The following GPHN variants were observed in gnomAD, a reference collection of about 807,000 sequenced individuals.
GPHN encodes the protein gephyrin.
In GPHN, 17 loss-of-function variants were observed where a neutral mutation model predicts 95.5. That is an observed-to-expected ratio of 0.18 (90% CI 0.12 to 0.27). The LOEUF is 0.27. Among genes scored for constraint, GPHN ranks in the 10% least tolerant of loss-of-function variants. The pLI, the probability that GPHN is intolerant of heterozygous loss-of-function variation, is 1.00. For missense variants in GPHN, 660 were observed against 978.1 expected, an observed-to-expected ratio of 0.67 and a Z score of 4.34; for synonymous variants, 320 against 322.5, an observed-to-expected ratio of 0.99 and a Z score of 0.08.
At chr14:67,582,022 G>A in the GPHN span, 8 of 1,575,444 alleles carry the variant, frequency 5.1e-6, no homozygotes, top group African/African-American at 1.1e-4. The surrounding 1 kb of genome is among the most constrained non-coding windows in gnomAD (Gnocchi z 5.0). Flanking sequence ...CCCCATCCCT[G>A]TTTGGAATCC....
At chr14:67,360,499 T>A in the GPHN span, 1 of 325,982 alleles carries the variant, frequency 3.1e-6, no homozygotes, top group Admixed American at 4.9e-5. Flanking sequence ...CTCACTTTGG[T>A]TTGTGTCCAG....
chr14:66,701,225 T>G (rs2153414906), intron 2 of GPHN, among the ~76,000 whole-genome samples: 1 of 151,790 alleles, frequency 6.6e-6, no homozygotes. Context: ...AAAATACATC[T>G]TACAAAAATG....
chr14:66,815,592 C>A (rs1049410613), intron 3 of GPHN, among the ~76,000 whole-genome samples: 1 of 152,104 alleles, frequency 6.6e-6, no homozygotes, highest in Admixed American at 6.5e-5. Flanking sequence ...AAACAAGATC[C>A]TTTTCAGACG....
At chr14:66,610,317 C>T (rs2062725924) in intron 1 of GPHN, among the ~76,000 whole-genome samples, 1 of 152,086 alleles carries the variant, frequency 6.6e-6, no homozygotes, top group African/African-American at 2.4e-5. Context: ...AAGTTTAGAG[C>T]ACCGCTGTCT....
At chr14:67,094,191 C>G (rs66502330) in intron 12 of GPHN, among the ~76,000 whole-genome samples, 1 of 151,908 alleles carries the variant, frequency 6.6e-6, no homozygotes, top group Admixed American at 6.6e-5. Context: ...TGAAGATCAT[C>G]GTTTTCTGTG....
intron 5 of GPHN, among the ~76,000 whole-genome samples, chr14:66,890,116 A>G (rs2064397272): frequency 6.6e-6 from 1 of 152,202 alleles, no homozygotes; most frequent in African/African-American, 2.4e-5. Flanking sequence ...TGACTCAGAA[A>G]TTAACAACCT....
At chr14:67,724,711 A>G in the GPHN span, 2 of 807,334 alleles carry the variant, frequency 2.5e-6, no homozygotes, top group East Asian at 2.6e-5. Context: ...TAGAAATTCA[A>G]GGAACCTGGG....
chr14:66,881,931 A>G (rs2063948267), intron 5 of GPHN, among the ~76,000 whole-genome samples: 1 of 151,834 alleles, frequency 6.6e-6, no homozygotes, highest in Non-Finnish European at 1.5e-5. Flanking sequence ...ATATTTATAA[A>G]CTTTGGAACA....
At chr14:66,803,978 T>C (rs943987301) in intron 3 of GPHN, among the ~76,000 whole-genome samples, 2 of 151,922 alleles carry the variant, frequency 1.3e-5, no homozygotes, top group Non-Finnish European at 2.9e-5. Context: ...TTCTTGGCTG[T>C]AAACTTTCAA....
intron 4 of GPHN, among the ~76,000 whole-genome samples, chr14:66,857,595 C>T (rs765383833): frequency 3.1e-4 from 47 of 152,084 alleles, no homozygotes; most frequent in Non-Finnish European, 4.1e-4. Flanking sequence ...GGGAGTAAAG[C>T]AAGTTGGCCA....
chr14:67,198,852 C>A, the GPHN span: 1 of 613,284 alleles, frequency 1.6e-6, no homozygotes, highest in South Asian at 1.6e-5. Context: ...AATATTCAGA[C>A]AAAGAAATGG....
chr14:67,390,309 T>A, the GPHN span, among the ~76,000 whole-genome samples: 21 of 152,328 alleles, frequency 1.4e-4, no homozygotes, highest in East Asian at 4.1e-3. Flanking sequence ...GAATGGAAAG[T>A]GTGGAGAGGC....
At chr14:67,354,966 A>G in the GPHN span, among the ~76,000 whole-genome samples, 7 of 152,172 alleles carry the variant, frequency 4.6e-5, no homozygotes, top group South Asian at 1.4e-3. Flanking sequence ...GGCATGCGTC[A>G]CCATGCCTGG....
the GPHN span, among the ~76,000 whole-genome samples, chr14:67,426,541 C>A: frequency 1.3e-5 from 2 of 152,074 alleles, no homozygotes; most frequent in Non-Finnish European, 2.9e-5. Flanking sequence ...CTGCCGGGTT[C>A]GGGGGACAGT....
chr14:67,193,779 C>CAAA, the GPHN span, among the ~76,000 whole-genome samples: 39 of 88,844 alleles, frequency 4.4e-4, no homozygotes, highest in Non-Finnish European at 8.4e-4. Flanking sequence ...CCAATTTCTA[C>CAAA]AAAAAAAAAA....
At chr14:66,509,711 G>T (rs1300959827) in intron 1 of GPHN, among the ~76,000 whole-genome samples, 2 of 152,176 alleles carry the variant, frequency 1.3e-5, no homozygotes, top group East Asian at 1.9e-4. Flanking sequence ...TTCGGAAAAA[G>T]AAGCAGTGTG....
At position 66,924,231 on chromosome 14, in the gene GPHN, C is replaced by T. The variant is rs748108654; in HGVS notation, c.767C>T (p.Ala256Val). ...TACACCAGTCCTGCTGTTGTCATGGCACACGGTGAACAGCCCATCCCTGGT... is the reference window on the plus strand; with the variant it reads ...TACACCAGTCCTGCTGTTGTCATGGTACACGGTGAACAGCCCATCCCTGGT... ...PFYTSPAVVM[A>V]HGEQPIPGLI... Residue 256 changes from alanine to valine, a missense_variant, in exon 8 of 23, where the codon GCA becomes GTA. Coordinates refer to ENST00000478722, the MANE Select transcript of GPHN (RefSeq NM_020806.5). 3 of 1,611,066 alleles carry T rather than the reference C, an allele frequency of 1.9e-6. No homozygotes were observed. The highest frequency in any genetic ancestry group is 1.3e-5 in the African/African-American group (1 of 74,992).
intron 9 of GPHN, among the ~76,000 whole-genome samples, chr14:66,965,726 C>G (rs2069277106): frequency 6.6e-6 from 1 of 152,144 alleles, no homozygotes; most frequent in African/African-American, 2.4e-5. Flanking sequence ...TTAAACTTGT[C>G]CGGGCTGGGG....
intron 9 of GPHN, among the ~76,000 whole-genome samples, chr14:67,019,222 T>C (rs1192085715): frequency 6.6e-6 from 1 of 152,158 alleles, no homozygotes; most frequent in Non-Finnish European, 1.5e-5. Context: ...TTTTTAACAA[T>C]GTAAAAAGAT....
Sources: gnomAD v4.1 joint callset for allele counts (sites outside exome capture counted in the v4.1 genomes callset) on GRCh38, gnomAD v4.1.1 for gene constraint, Gnocchi (gnomAD v3.1) non-coding constraint, MANE v1.5 for transcripts, NCBI Gene and HGNC (gene_info 2026-07-23, HGNC 2026-07-21) for gene names.